Variants in SLC7A2 observed in about 807,000 individuals in gnomAD.
SLC7A2 encodes cationic amino acid transporter 2.
A neutral mutation model predicts 58.9 loss-of-function variants in SLC7A2; 48 were observed. The ratio of observed to expected loss-of-function variants is 0.82; its 90% CI spans 0.65 to 1.04. The LOEUF (loss-of-function observed/expected upper bound fraction) is 1.04, where lower values mean the gene tolerates loss of function less well. Among genes scored for constraint, SLC7A2 ranks in the 50% least tolerant of loss-of-function variants. The probability of loss-of-function intolerance (pLI) is 0.00; values close to 1 mark genes in which losing one functional copy is unlikely to be tolerated. For missense variants in SLC7A2, 1,029 were observed against 818.8 expected (o/e 1.26, Z -3.13); for synonymous variants, 363 against 314.5 (o/e 1.15, Z -1.63).
chr8:17,537,991 G>T (rs995368106), intron 2 of SLC7A2, among the ~76,000 whole-genome samples: 1 of 152,156 alleles, frequency 6.6e-6, no homozygotes, highest in African/African-American at 2.4e-5. Context: ...TTCCCACTGT[G>T]ATGTTGCCTT....
At chr8:17,535,628 CG>C (rs1205808638) in intron 2 of SLC7A2, among the ~76,000 whole-genome samples, 10 of 152,140 alleles carry the variant, frequency 6.6e-5, no homozygotes, top group Non-Finnish European at 1.3e-4. Context: ...TTTGGCCGGG[CG>C]CGGTGGCTTA....
chr8:17,532,318 C>T (rs1225077068), intron 2 of SLC7A2, among the ~76,000 whole-genome samples: 1 of 143,102 alleles, frequency 7.0e-6, no homozygotes, highest in African/African-American at 2.5e-5. Context: ...TGGCTTTCCC[C>T]AGGAAAGCTT....
intron 2 of SLC7A2, among the ~76,000 whole-genome samples, chr8:17,540,938 A>G (rs1037629296): frequency 8.5e-5 from 13 of 152,276 alleles, no homozygotes; most frequent in African/African-American, 3.1e-4. Flanking sequence ...TTTCTCATAA[A>G]AGTCAAGGTT....
At chr8:17,549,319 A>G (rs1802334514) in intron 5 of SLC7A2, among the ~76,000 whole-genome samples, 1 of 152,142 alleles carries the variant, frequency 6.6e-6, no homozygotes, top group Non-Finnish European at 1.5e-5. Context: ...TGCTTCTGAG[A>G]CCCTTCTGAG....
Position 17,569,303 on chromosome 8 carries a change from A to G in SLC7A2, c.*4157A>G, listed in dbSNP as rs970597781. 6.6e-6 allele frequency: 1 copy of G among 152,206 alleles called. No individual in the cohort carries two copies. The highest frequency in any genetic ancestry group is 1.5e-5 in the Non-Finnish European group (1 of 68,038). The allele number at this position is 152,206 out of a possible 1,614,324, so 9.4% of individuals were successfully genotyped here. A position where few individuals can be genotyped will look rare whatever the true frequency, so the allele number is the denominator to read the frequency against. ...TTAAAGGATTGAGTTTAGCATGTAT[A>G]TCATGCGTTATTAAAGTTCACGTGA... On this transcript the variant is annotated 3_prime_UTR_variant, in exon 13 of 13. Coordinates refer to ENST00000494857, the MANE Select transcript of SLC7A2 (RefSeq NM_001370338.1).
rs1276191040 is a variant in SLC7A2, at chr8:17,538,707, T to C, written c.-22-4611T>C. The C allele has an allele frequency of 3.3e-6, 4 of 1,230,700 alleles. No individual in the cohort carries two copies. The African/African-American group carries it at 4.6e-5, about 14-fold the overall frequency. The allele number at this position is 1,230,700 out of a possible 1,614,324, so 76.2% of individuals were successfully genotyped here. A position where few individuals can be genotyped will look rare whatever the true frequency, so the allele number is the denominator to read the frequency against. ...TTTGGACATTGCAAAATAAAAAAGA[T>C]CTAGGGCAAAAACAGTATGGTAAAG... On this transcript the variant is annotated intron_variant, in intron 2 of 12. Transcript: ENST00000494857.
chr8:17,540,622 A>T (rs1215593036), intron 2 of SLC7A2, among the ~76,000 whole-genome samples: 1 of 152,150 alleles, frequency 6.6e-6, no homozygotes, highest in Admixed American at 6.5e-5. Flanking sequence ...ATTAAATTCA[A>T]TTTCGTATTG....
chr8:17,539,964 A>G (rs1048193340), intron 2 of SLC7A2, among the ~76,000 whole-genome samples: 1 of 152,190 alleles, frequency 6.6e-6, no homozygotes, highest in African/African-American at 2.4e-5. Context: ...TTAAAGTTAT[A>G]AAAACTTCAA....
chr8:17,498,758 G>A (rs1308026183), intron 1 of SLC7A2: 1 of 152,228 alleles, frequency 6.6e-6, no homozygotes, highest in Non-Finnish European at 1.5e-5. Context: ...GCGGGGATCA[G>A]TTTGCAGAAT....
At chr8:17,511,588 G>T (rs999765747) in intron 2 of SLC7A2, among the ~76,000 whole-genome samples, 5 of 152,148 alleles carry the variant, frequency 3.3e-5, no homozygotes, top group African/African-American at 1.2e-4. Context: ...AGTCAGTTCA[G>T]TTCTTATTCA....
chr8:17,562,177 AGTATTTTTTT>A, intron 11 of SLC7A2, 67 bp downstream of exon 11: 14 of 601,568 alleles, frequency 2.3e-5, no homozygotes, highest in East Asian at 5.3e-5. Flanking sequence ...TAGTTTGGTA[AGTATTTTTTT>A]TTTTTTTTTT....
At chr8:17,502,533 A>G (rs1412227818) in intron 2 of SLC7A2, among the ~76,000 whole-genome samples, 2 of 152,216 alleles carry the variant, frequency 1.3e-5, no homozygotes, top group Non-Finnish European at 2.9e-5. Flanking sequence ...TTGCTCTTCC[A>G]TTGCACAAGG....
intron 2 of SLC7A2, among the ~76,000 whole-genome samples, chr8:17,536,493 G>C (rs1205052519): frequency 6.6e-6 from 1 of 152,148 alleles, no homozygotes; most frequent in Non-Finnish European, 1.5e-5. Context: ...GAACCCGAGA[G>C]GCGGAGGTTG....
At chr8:17,505,576 C>T (rs148820030) in intron 2 of SLC7A2, among the ~76,000 whole-genome samples, 1 of 152,126 alleles carries the variant, frequency 6.6e-6, no homozygotes, top group Non-Finnish European at 1.5e-5. Context: ...GATTCTTAGA[C>T]TCGTAGATTT....
chr8:17,560,234 C>A, intron 9 of SLC7A2, 94 bp from the exon 10 acceptor site: 1 of 847,388 alleles, frequency 1.2e-6, no homozygotes, highest in Non-Finnish European at 2.0e-6. Context: ...CACTATCACT[C>A]TGTATGATGT....
chr8:17,519,087 A>C (rs1300883869), intron 2 of SLC7A2, among the ~76,000 whole-genome samples: 1 of 152,136 alleles, frequency 6.6e-6, no homozygotes, highest in African/African-American at 2.4e-5. Flanking sequence ...TCCAAATACT[A>C]TCACATTGCA....
At chr8:17,536,046 T>C (rs993384157) in intron 2 of SLC7A2, among the ~76,000 whole-genome samples, 2 of 151,742 alleles carry the variant, frequency 1.3e-5, no homozygotes, top group Non-Finnish European at 2.9e-5. Flanking sequence ...TCCCTCGATA[T>C]CCTTTCCTCC....
rs533297190 is a variant in SLC7A2 at position 17,502,563 on chromosome 8, G to A, written c.-23+261G>A. Among the ~76,000 whole-genome samples the A allele has an allele frequency of 1.4e-4, 22 of 152,204 alleles. No individual in the cohort carries two copies. The South Asian group carries it at 3.7e-3, about 26-fold the overall frequency. On this transcript the variant is annotated intron_variant, in intron 2 of 12. Coordinates refer to ENST00000494857, the MANE Select transcript of SLC7A2 (RefSeq NM_001370338.1). ...ACAAGGAAGATTTCCATGAAGTTAC[G>A]GAGTTGAGTATCACTGATTCACTTT...
chr8:17,516,797 A>T (rs1202101796), intron 2 of SLC7A2, among the ~76,000 whole-genome samples: 11 of 152,224 alleles, frequency 7.2e-5, no homozygotes, highest in Non-Finnish European at 1.5e-5. Context: ...TTAAGCATTC[A>T]AGAAAAACAT....
Sources: gnomAD v4.1 joint callset for allele counts (sites outside exome capture counted in the v4.1 genomes callset) on GRCh38, gnomAD v4.1.1 for gene constraint, MANE v1.5 for transcripts, NCBI Gene and HGNC (gene_info 2026-07-23, HGNC 2026-07-21) for gene names.